NPAS3: variants seen among roughly 807,000 people sequenced by gnomAD.
The protein encoded by NPAS3 is neuronal PAS domain protein 3.
A neutral mutation model predicts 73.1 loss-of-function variants in NPAS3; 14 were observed. That is an observed-to-expected ratio of 0.19 (90% CI 0.13 to 0.30). The LOEUF is 0.30. Among genes scored for constraint, NPAS3 ranks in the 10% least tolerant of loss-of-function variants. NPAS3 has a pLI of 1.00. For synonymous variants in NPAS3, 620 were observed against 541.5 expected, an observed-to-expected ratio of 1.14 and a Z score of -2.01; for missense variants, 1,096 against 1,250.0, an observed-to-expected ratio of 0.88 and a Z score of 1.86.
At chr14:33,309,114 T>G (rs1287375477) in intron 3 of NPAS3, among the ~76,000 whole-genome samples, 1 of 152,244 alleles carries the variant, frequency 6.6e-6, no homozygotes, top group Non-Finnish European at 1.5e-5. Context: ...AGTGCCTGCT[T>G]CTATTGAGAT....
At chr14:33,731,423 GAAAAA>G (rs11322471) in intron 6 of NPAS3, among the ~76,000 whole-genome samples, 1 of 121,618 alleles carries the variant, frequency 8.2e-6, no homozygotes, top group Admixed American at 8.4e-5. Flanking sequence ...TGTCTCATTT[GAAAAA>G]AAAAAAAAAA....
intron 6 of NPAS3, among the ~76,000 whole-genome samples, chr14:33,699,264 T>C (rs1277363020): frequency 1.3e-5 from 2 of 152,240 alleles, no homozygotes; most frequent in Non-Finnish European, 2.9e-5. Flanking sequence ...TATCATTAAT[T>C]AAAACCAACC....
intron 2 of NPAS3, among the ~76,000 whole-genome samples, chr14:33,142,191 C>CTTTTTTTTTTT (rs10709910): frequency 1.0e-4 from 4 of 38,100 alleles, no homozygotes; most frequent in Non-Finnish European, 1.3e-4. Flanking sequence ...TTTGTATAAG[C>CTTTTTTTTTTT]TTTTTTTTTT....
At chr14:33,477,081 T>C (rs1236769021) in intron 4 of NPAS3, among the ~76,000 whole-genome samples, 1 of 152,212 alleles carries the variant, frequency 6.6e-6, no homozygotes, top group African/African-American at 2.4e-5. Flanking sequence ...TAAAAATACT[T>C]TGTGTACACA....
At chr14:33,614,767 T>C (rs1202394235) in intron 5 of NPAS3, among the ~76,000 whole-genome samples, 1 of 152,214 alleles carries the variant, frequency 6.6e-6, no homozygotes, top group African/African-American at 2.4e-5. Flanking sequence ...TTTTCAAACC[T>C]AGATTATTTA....
At chr14:33,254,306 C>T (rs1266198070) in intron 3 of NPAS3, among the ~76,000 whole-genome samples, 2 of 152,082 alleles carry the variant, frequency 1.3e-5, no homozygotes, top group Non-Finnish European at 2.9e-5. Flanking sequence ...CCTTAACACA[C>T]TTCTCGAAGT....
At position 33,674,953 on chromosome 14, in the gene NPAS3, C is replaced by T. The variant is rs1288868499; in HGVS notation, c.559-1258C>T. Among the ~76,000 whole-genome samples, 3 of 152,088 alleles carry T rather than the reference C, an allele frequency of 2.0e-5. No individual in the cohort carries two copies. The East Asian group carries it at 5.8e-4, about 29-fold the overall frequency. On this transcript the variant is annotated intron_variant, in intron 5 of 11. Transcript: ENST00000356141. ...ACAGTCTCTGTGACAGTTTTTCCAC[C>T]GCCAGTCTTCCCTCTTGACATGAAA...
At chr14:33,042,093 G>A (rs1326171287) in intron 1 of NPAS3, among the ~76,000 whole-genome samples, 1 of 152,180 alleles carries the variant, frequency 6.6e-6, no homozygotes, top group Non-Finnish European at 1.5e-5. Context: ...GCCGGTTTCA[G>A]TACCAGATAG....
intron 6 of NPAS3, among the ~76,000 whole-genome samples, chr14:33,706,907 C>T (rs1199463483): frequency 6.6e-6 from 1 of 152,178 alleles, no homozygotes; most frequent in African/African-American, 2.4e-5. Context: ...CAAAAACGCT[C>T]CAATGGCACC....
chr14:33,016,546 C>A (rs1281242393), intron 1 of NPAS3, among the ~76,000 whole-genome samples: 2 of 142,818 alleles, frequency 1.4e-5, no homozygotes, highest in African/African-American at 5.2e-5. Flanking sequence ...CACCAGTTTT[C>A]AGAGTACACA....
intron 6 of NPAS3, among the ~76,000 whole-genome samples, chr14:33,729,230 A>G (rs1159238923): frequency 1.3e-5 from 2 of 152,200 alleles, no homozygotes; most frequent in Non-Finnish European, 2.9e-5. Flanking sequence ...ATAAAAGTCA[A>G]TATTTCAGGT....
At chr14:33,145,591 T>A (rs1456013182) in intron 2 of NPAS3, among the ~76,000 whole-genome samples, 1 of 152,218 alleles carries the variant, frequency 6.6e-6, no homozygotes, top group Non-Finnish European at 1.5e-5. Flanking sequence ...TCATTTTCAG[T>A]ACCTTGTCTT....
intron 5 of NPAS3, among the ~76,000 whole-genome samples, chr14:33,594,847 T>C (rs1157589904): frequency 6.6e-6 from 1 of 152,204 alleles, no homozygotes; most frequent in Non-Finnish European, 1.5e-5. Context: ...CCAAATGGTC[T>C]GAAGGCCTCT....
chr14:33,796,206 C>T (rs1226886234), intron 10 of NPAS3, among the ~76,000 whole-genome samples: 1 of 152,216 alleles, frequency 6.6e-6, no homozygotes, highest in African/African-American at 2.4e-5. Context: ...CTTCTTCCTG[C>T]CCAGAACCCT....
intron 2 of NPAS3, among the ~76,000 whole-genome samples, chr14:33,193,429 A>G (rs1430885117): frequency 6.6e-6 from 1 of 152,190 alleles, no homozygotes; most frequent in East Asian, 1.9e-4. Flanking sequence ...AGATGGGGGC[A>G]GCAACAAAAC....
Position 33,345,703 on chromosome 14 carries a change from G to A in NPAS3, c.386-21483G>A, listed in dbSNP as rs898919774. ...TTATGACTCTGCCTGGAGCACATGA[G>A]CTGGTGTAACTAGCCTAAGGATAAA... On this transcript the variant is annotated intron_variant, in intron 3 of 11. Coordinates refer to ENST00000356141, the Ensembl canonical transcript of NPAS3. 3.9e-5 allele frequency among the ~76,000 whole-genome samples: 6 copies of A among 152,314 alleles called. No homozygotes were observed. The South Asian group carries it at 1.2e-3, about 32-fold the overall frequency.
intron 2 of NPAS3, among the ~76,000 whole-genome samples, chr14:33,126,410 G>A (rs563454883): frequency 6.6e-6 from 1 of 152,162 alleles, no homozygotes; most frequent in East Asian, 1.9e-4. Context: ...TCTTGCACTG[G>A]GAAATTTCCT....
chr14:33,246,537 CAAAAAAA>C (rs56270689), intron 3 of NPAS3, among the ~76,000 whole-genome samples: 1 of 103,214 alleles, frequency 9.7e-6, no homozygotes. Context: ...GACTTCATCT[CAAAAAAA>C]AAAAAAAAAA....
At chr14:33,361,734 G>A (rs2045612071) in intron 3 of NPAS3, among the ~76,000 whole-genome samples, 1 of 152,080 alleles carries the variant, frequency 6.6e-6, no homozygotes, top group African/African-American at 2.4e-5. Flanking sequence ...ATGTTAGTAG[G>A]TCTGAGATAT....
Sources: gnomAD v4.1 joint callset for allele counts (sites outside exome capture counted in the v4.1 genomes callset) on GRCh38, gnomAD v4.1.1 for gene constraint, MANE v1.5 for transcripts, NCBI Gene and HGNC (gene_info 2026-07-23, HGNC 2026-07-21) for gene names.